PATJ: variants seen among roughly 807,000 people sequenced by gnomAD.
PATJ encodes inaD-like protein.
In PATJ, 190 loss-of-function variants were observed where a neutral mutation model predicts 224.9. The observed-to-expected ratio is 0.84, with a 90% CI of 0.75 to 0.95. The LOEUF (loss-of-function observed/expected upper bound fraction) is 0.95, where lower values mean the gene tolerates loss of function less well. Ranked by LOEUF, PATJ falls within the 40% of genes least tolerant of loss-of-function variation. PATJ has a pLI of 0.00. For synonymous variants in PATJ, 769 were observed against 820.3 expected, an observed-to-expected ratio of 0.94 and a Z score of 1.07; for missense variants, 2,121 against 2,270.3, an observed-to-expected ratio of 0.93 and a Z score of 1.34.
intron 14 of PATJ, among the ~76,000 whole-genome samples, chr1:61,813,358 T>TAG (rs1655284500): frequency 1.3e-4 from 7 of 53,006 alleles, no homozygotes; most frequent in Admixed American, 7.4e-4. Context: ...TATATATATA[T>TAG]ATATATATAT....
At chr1:61,968,375 A>T (rs1245202263) in intron 27 of PATJ, among the ~76,000 whole-genome samples, 1 of 152,094 alleles carries the variant, frequency 6.6e-6, no homozygotes, top group African/African-American at 2.4e-5. Context: ...TACCTTTTCA[A>T]GGGTCGACTT....
At chr1:61,746,044 T>C (rs1163777835) in intron 1 of PATJ, among the ~76,000 whole-genome samples, 1 of 152,038 alleles carries the variant, frequency 6.6e-6, no homozygotes, top group Non-Finnish European at 1.5e-5. Flanking sequence ...GTTCAAGCGA[T>C]TGTCCTGGCT....
intron 42 of PATJ, among the ~76,000 whole-genome samples, chr1:62,149,804 AT>A (rs10557763): frequency 0.33 from 48,765 of 146,528 alleles, 10,814 homozygotes; most frequent in East Asian, 0.7. Context: ...TAACACTGGG[AT>A]TTTTTTTTTT....
At chr1:61,900,401 G>A (rs1017213142) in intron 23 of PATJ, among the ~76,000 whole-genome samples, 5 of 152,016 alleles carry the variant, frequency 3.3e-5, no homozygotes, top group Non-Finnish European at 7.4e-5. Flanking sequence ...ATAATGACAC[G>A]GAGGTAGGAA....
At chr1:62,150,580 G>A (rs1377082413) in intron 42 of PATJ, among the ~76,000 whole-genome samples, 1 of 150,984 alleles carries the variant, frequency 6.6e-6, no homozygotes, top group Non-Finnish European at 1.5e-5. Context: ...AGGAGGCTGA[G>A]GCAGGAGGAT....
In PATJ at chr1:62,022,960, T is replaced by C. The variant is rs545551347; in HGVS notation, c.3959+5013T>C. On this transcript the variant is annotated intron_variant, in intron 29 of 43. Transcript: ENST00000642238. ...GAATGCCAGAGTCATCTTAAGGAGA[T>C]GACCATCTGAAGAAGCAACTCGGAT... Among the ~76,000 whole-genome samples the C allele has an allele frequency of 8.5e-5, 13 of 152,328 alleles. 1 individual carries two copies. In the East Asian group the frequency reaches 2.3e-3, roughly 27 times the overall value.
At chr1:61,816,198 G>A (rs955800143) in intron 14 of PATJ, among the ~76,000 whole-genome samples, 1 of 152,158 alleles carries the variant, frequency 6.6e-6, no homozygotes, top group Admixed American at 6.6e-5. Context: ...GGGATGTACT[G>A]GGCTTTCCAA....
chr1:62,054,012 G>A (rs959777773), intron 31 of PATJ, among the ~76,000 whole-genome samples: 2 of 152,154 alleles, frequency 1.3e-5, no homozygotes, highest in Admixed American at 6.5e-5. Flanking sequence ...AAGATAGACA[G>A]TACATCAATT....
intron 41 of PATJ, among the ~76,000 whole-genome samples, chr1:62,140,198 C>T (rs1227754489): frequency 6.6e-6 from 1 of 152,094 alleles, no homozygotes; most frequent in Non-Finnish European, 1.5e-5. Flanking sequence ...CGTGGACAAC[C>T]CCAAGTGTCC....
intron 7 of PATJ, among the ~76,000 whole-genome samples, chr1:61,779,185 T>C (rs1647105839): frequency 6.6e-6 from 1 of 152,162 alleles, no homozygotes; most frequent in Admixed American, 6.6e-5. Context: ...CAATAGGACA[T>C]GCGTGTGATT....
intron 27 of PATJ, among the ~76,000 whole-genome samples, chr1:61,945,143 T>C (rs1176549261): frequency 2.6e-5 from 4 of 152,132 alleles, no homozygotes; most frequent in Non-Finnish European, 5.9e-5. Flanking sequence ...TAAAGACCAC[T>C]GATGCTAGGA....
At chr1:62,014,744 G>C (rs1354586860) in intron 28 of PATJ, among the ~76,000 whole-genome samples, 3 of 150,794 alleles carry the variant, frequency 2.0e-5, no homozygotes. Flanking sequence ...TTTTTATATT[G>C]TTTGTCAAGA....
At chr1:61,896,655 C>T (rs1452855629) in intron 22 of PATJ, among the ~76,000 whole-genome samples, 1 of 152,114 alleles carries the variant, frequency 6.6e-6, no homozygotes, top group Non-Finnish European at 1.5e-5. Flanking sequence ...GCTCCATGTA[C>T]CCACCCAAAT....
Position 61,998,086 on chromosome 1 carries a change from T to A in PATJ, c.3867+7722T>A, listed in dbSNP as rs893225233. ...TAAATATATATTATATAATATATAT[T>A]TTTTTCTTTTTGAGAAAGAATCTCA... On this transcript the variant is annotated intron_variant, in intron 28 of 43. Transcript: ENST00000642238. 8.5e-4 allele frequency among the ~76,000 whole-genome samples: 118 copies of A among 138,578 alleles called. 1 individual carries two copies. The highest frequency in any genetic ancestry group is 3.0e-3 in the African/African-American group (111 of 37,510). 90.9% of individuals were successfully genotyped at this position (138,578 alleles called of 152,430 possible).
chr1:61,846,431 T>G (rs908418880), intron 17 of PATJ, among the ~76,000 whole-genome samples: 3 of 152,226 alleles, frequency 2.0e-5, no homozygotes, highest in Non-Finnish European at 2.9e-5. Flanking sequence ...TAATACAGTT[T>G]CAACTAATAC....
rs568316843 is a variant in PATJ at position 61,771,583 on chromosome 1, G to T, written c.677G>T (p.Ser226Ile). 8 of 1,609,954 alleles carry T rather than the reference G, an allele frequency of 5.0e-6. No individual in the cohort carries two copies. In the South Asian group the frequency reaches 7.8e-5, roughly 16 times the overall value. The change falls in exon 6 of 44, where the codon AGC (serine) becomes ATC (isoleucine). Residue 226 changes from serine (S) to isoleucine (I), a missense_variant. Ser to Ile is a moderately radical substitution (Grantham distance 142). Coordinates refer to ENST00000642238, the MANE Select transcript of PATJ (RefSeq NM_001350145.3). ...IVAREPVHTK[S>I]STSSSLNDTT... ...GCCAGGGAACCAGTCCACACAAAAA[G>T]CAGTACTTCTAGCAGCCTAAATGAT...
At chr1:61,844,437 A>G (rs1032841604) in intron 17 of PATJ, among the ~76,000 whole-genome samples, 4 of 152,196 alleles carry the variant, frequency 2.6e-5, no homozygotes, top group Admixed American at 6.5e-5. Flanking sequence ...TTAATAGCTA[A>G]CAATTACGTA....
At chr1:61,944,215 G>A (rs1678302245) in intron 27 of PATJ, among the ~76,000 whole-genome samples, 1 of 152,208 alleles carries the variant, frequency 6.6e-6, no homozygotes, top group Non-Finnish European at 1.5e-5. Context: ...AAGCTGGACA[G>A]AGAATGACTT....
At chr1:61,953,162 T>C (rs1679964573) in intron 27 of PATJ, among the ~76,000 whole-genome samples, 1 of 152,208 alleles carries the variant, frequency 6.6e-6, no homozygotes, top group Admixed American at 6.5e-5. Flanking sequence ...TGCTTTTGCC[T>C]GACTTAAAAA....
Sources: gnomAD v4.1 joint callset for allele counts (sites outside exome capture counted in the v4.1 genomes callset) on GRCh38, gnomAD v4.1.1 for gene constraint, MANE v1.5 for transcripts, NCBI Gene and HGNC (gene_info 2026-07-23, HGNC 2026-07-21) for gene names.